The following ASIC2 variants were observed in gnomAD, a reference collection of about 807,000 sequenced individuals.
ASIC2 encodes acid-sensing ion channel 2.
In ASIC2, 25 loss-of-function variants were observed where a neutral mutation model predicts 57.3. That is an observed-to-expected ratio of 0.44 (90% confidence interval 0.32 to 0.61). The LOEUF is 0.61. Ranked by LOEUF, ASIC2 falls within the 20% of genes least tolerant of loss-of-function variation. The pLI, the probability that ASIC2 is intolerant of heterozygous loss-of-function variation, is 0.06. For missense variants in ASIC2, 641 were observed against 738.1 expected (o/e 0.87, Z 1.52); for synonymous variants, 319 against 307.5 (o/e 1.04, Z -0.39).
At chr17:33,716,628 A>G (rs1909228720) in intron 1 of ASIC2, among the ~76,000 whole-genome samples, 1 of 152,220 alleles carries the variant, frequency 6.6e-6, no homozygotes, top group Non-Finnish European at 1.5e-5. Flanking sequence ...CCATGACTGC[A>G]TCTCCTGCCC....
At chr17:33,620,058 T>C (rs1435592486) in intron 1 of ASIC2, among the ~76,000 whole-genome samples, 1 of 152,098 alleles carries the variant, frequency 6.6e-6, no homozygotes, top group Non-Finnish European at 1.5e-5. Context: ...TCCAAAAACA[T>C]GAAAATAATA....
chr17:33,463,813 T>C (rs1425616435), intron 1 of ASIC2, among the ~76,000 whole-genome samples: 1 of 152,230 alleles, frequency 6.6e-6, no homozygotes, highest in Non-Finnish European at 1.5e-5. Context: ...CCACTGCTCA[T>C]ACTGTACTGT....
At chr17:33,447,358 G>A (rs1912066011) in intron 1 of ASIC2, among the ~76,000 whole-genome samples, 2 of 152,198 alleles carry the variant, frequency 1.3e-5, no homozygotes, top group South Asian at 2.1e-4. Flanking sequence ...AGGAGGAGAA[G>A]CCAAGGGGGC....
At chr17:33,500,965 T>C (rs1914083770) in intron 1 of ASIC2, among the ~76,000 whole-genome samples, 1 of 152,260 alleles carries the variant, frequency 6.6e-6, no homozygotes, top group Non-Finnish European at 1.5e-5. Flanking sequence ...CTAACTTAGT[T>C]GTTTTAGTAT....
chr17:33,863,171 G>T (rs1914140406), intron 1 of ASIC2, among the ~76,000 whole-genome samples: 1 of 152,226 alleles, frequency 6.6e-6, no homozygotes, highest in Admixed American at 6.5e-5. Flanking sequence ...TAGAGCAGTT[G>T]GAAGAAGAAA....
chr17:34,116,261 CTT>C (rs1911421538), intron 1 of ASIC2, among the ~76,000 whole-genome samples: 1 of 151,550 alleles, frequency 6.6e-6, no homozygotes, highest in African/African-American at 2.4e-5. Flanking sequence ...AGAAAAATGC[CTT>C]TCTCTCTCTA....
chr17:33,178,450 T>C (rs1905848162), intron 1 of ASIC2, among the ~76,000 whole-genome samples: 1 of 152,206 alleles, frequency 6.6e-6, no homozygotes, highest in Admixed American at 6.5e-5. Context: ...AGTCAACAAA[T>C]ATTTATTTAG....
intron 1 of ASIC2, among the ~76,000 whole-genome samples, chr17:33,503,466 G>C (rs150137697): frequency 6.6e-6 from 1 of 152,014 alleles, no homozygotes; most frequent in Non-Finnish European, 1.5e-5. Flanking sequence ...TGGGAGTCAG[G>C]GTTCCCCAGG....
intron 1 of ASIC2, among the ~76,000 whole-genome samples, chr17:33,711,492 G>T (rs1909034504): frequency 6.6e-6 from 1 of 152,162 alleles, no homozygotes; most frequent in Admixed American, 6.5e-5. Flanking sequence ...CCTGGGTCTG[G>T]TCAGTCTGTG....
At chr17:33,922,922 C>T (rs953378221) in intron 1 of ASIC2, among the ~76,000 whole-genome samples, 11 of 152,302 alleles carry the variant, frequency 7.2e-5, no homozygotes, top group Middle Eastern at 3.4e-3. Context: ...CACTAGGCTG[C>T]GTGGCAGATG....
intron 1 of ASIC2, among the ~76,000 whole-genome samples, chr17:33,472,093 C>T (rs1913072246): frequency 1.3e-5 from 2 of 150,862 alleles, no homozygotes; most frequent in African/African-American, 2.4e-5. Context: ...GATCTTGGCT[C>T]ACTGCAACCT....
intron 1 of ASIC2, among the ~76,000 whole-genome samples, chr17:33,402,148 G>C (rs1006934711): frequency 2.6e-5 from 4 of 152,160 alleles, no homozygotes; most frequent in Non-Finnish European, 2.9e-5. Context: ...GTAGGCTGGA[G>C]CTGAGGGGTT....
At chr17:33,981,712 G>A (rs1235253530) in intron 1 of ASIC2, among the ~76,000 whole-genome samples, 3 of 152,006 alleles carry the variant, frequency 2.0e-5, no homozygotes, top group Non-Finnish European at 4.4e-5. Context: ...GGGAAGATTA[G>A]CTAACATCTA....
chr17:33,440,109 CG>C (rs1567861688), intron 1 of ASIC2, among the ~76,000 whole-genome samples: 1 of 152,150 alleles, frequency 6.6e-6, no homozygotes, highest in African/African-American at 2.4e-5. Context: ...AGAACATTTC[CG>C]TCCCCTCAAA....
At chr17:33,211,691 C>A (rs1907281660) in intron 1 of ASIC2, among the ~76,000 whole-genome samples, 1 of 152,168 alleles carries the variant, frequency 6.6e-6, no homozygotes, top group Non-Finnish European at 1.5e-5. Flanking sequence ...CAGCAGTTTG[C>A]CTCCTCCATT....
intron 1 of ASIC2, among the ~76,000 whole-genome samples, chr17:33,695,161 T>A (rs1395504766): frequency 6.6e-6 from 1 of 152,194 alleles, no homozygotes; most frequent in Non-Finnish European, 1.5e-5. Flanking sequence ...TAATAAAAAA[T>A]TGAAATCAAA....
At chr17:33,180,405 G>T (rs1241781977) in intron 1 of ASIC2, among the ~76,000 whole-genome samples, 2 of 152,200 alleles carry the variant, frequency 1.3e-5, no homozygotes, top group African/African-American at 4.8e-5. Flanking sequence ...GGAGCGCCTT[G>T]TACTTCTGCT....
intron 1 of ASIC2, among the ~76,000 whole-genome samples, chr17:33,442,593 A>T (rs1476477623): frequency 6.6e-6 from 1 of 152,136 alleles, no homozygotes; most frequent in African/African-American, 2.4e-5. Context: ...CATACAATTT[A>T]TTTTGAAAAG....
At chr17:33,915,399 A>G (rs1915562071) in intron 1 of ASIC2, among the ~76,000 whole-genome samples, 1 of 152,178 alleles carries the variant, frequency 6.6e-6, no homozygotes, top group South Asian at 2.1e-4. Context: ...GTTCTCTTGG[A>G]AAGTGAGTAC....
Sources: gnomAD v4.1 joint callset for allele counts (sites outside exome capture counted in the v4.1 genomes callset) on GRCh38, gnomAD v4.1.1 for gene constraint, MANE v1.5 for transcripts, NCBI Gene and HGNC (gene_info 2026-07-23, HGNC 2026-07-21) for gene names.